The following MYLK3 variants were observed in gnomAD, a reference collection of about 807,000 sequenced individuals.
The protein encoded by MYLK3 is myosin light chain kinase 3.
In MYLK3, 55 loss-of-function variants were observed where a neutral mutation model predicts 76.3. The ratio of observed to expected loss-of-function variants is 0.72; its 90% CI spans 0.58 to 0.90. The LOEUF is 0.90. MYLK3 is among the 40% of genes least tolerant of loss of function. The pLI, the probability that MYLK3 is intolerant of heterozygous loss-of-function variation, is 0.00. For missense variants in MYLK3, 973 were observed against 1,053.6 expected, an observed-to-expected ratio of 0.92 and a Z score of 1.06; for synonymous variants, 416 against 425.4, an observed-to-expected ratio of 0.98 and a Z score of 0.27.
At chr16:46,751,727 G>A (rs1301473086), upstream of MYLK3, among the ~76,000 whole-genome samples, 1 of 152,246 alleles carries the variant, frequency 6.6e-6, no homozygotes, top group Admixed American at 6.5e-5. Context: ...GAGCTCCAGG[G>A]AGCTCCGGGG....
Position 46,707,461 on chromosome 16 carries a change from T to C in MYLK3, c.*243A>G. 2.3e-6 allele frequency: 1 copy of C among 435,216 alleles called. No homozygotes were observed. Among genetic ancestry groups the C allele is most frequent in the Non-Finnish European group, 4.1e-6 (1 of 245,780 alleles). 27.0% of individuals were successfully genotyped at this position (435,216 alleles called of 1,614,324 possible). A position where few individuals can be genotyped will look rare whatever the true frequency, so the allele number is the denominator to read the frequency against. On this transcript the variant is annotated 3_prime_UTR_variant, in exon 13 of 13. Coordinates refer to ENST00000394809, the MANE Select transcript of MYLK3 (RefSeq NM_182493.3). The stretch of plus-strand genomic sequence containing the variant: ...CTACACTTACCACCAAAAGTAGGTA[T>C]ATTTGAAAGGTACTCAGAGCATTTC...
At chr16:46,733,409 T>C (rs2143015229) in intron 3 of MYLK3, among the ~76,000 whole-genome samples, 1 of 152,320 alleles carries the variant, frequency 6.6e-6, no homozygotes, top group African/African-American at 2.4e-5. Flanking sequence ...CTAGACTTTC[T>C]GTTCATCTTG....
chr16:46,750,047 C>A (rs1441196509), upstream of MYLK3, among the ~76,000 whole-genome samples: 3 of 152,192 alleles, frequency 2.0e-5, no homozygotes, highest in African/African-American at 4.8e-5. Context: ...GAGGGGTAAC[C>A]CTGTGTTCCA....
At chr16:46,732,947 G>A (rs147851380) in intron 3 of MYLK3, among the ~76,000 whole-genome samples, 32 of 152,294 alleles carry the variant, frequency 2.1e-4, no homozygotes, top group East Asian at 9.7e-4. Flanking sequence ...GCCTGTAGGC[G>A]GGAGGCCCGG....
At chr16:46,751,959 A>G (rs1967131359), upstream of MYLK3, among the ~76,000 whole-genome samples, 2 of 152,196 alleles carry the variant, frequency 1.3e-5, no homozygotes, top group African/African-American at 4.8e-5. Flanking sequence ...GTGCTTGCCC[A>G]GAGGATGGGG....
At chr16:46,710,870 G>A in intron 10 of MYLK3, 81 bp from the exon 11 acceptor site, 1 of 1,558,838 alleles carries the variant, frequency 6.4e-7, no homozygotes, top group Non-Finnish European at 8.8e-7. Context: ...AGCTTACAGA[G>A]TTCAAGTGGA....
At chr16:46,755,449 ACT>A (rs758015586) in intron 1 of MYLK3, among the ~76,000 whole-genome samples, 7 of 148,306 alleles carry the variant, frequency 4.7e-5, no homozygotes, top group Non-Finnish European at 1.0e-4. Context: ...CAAGAGTGAA[ACT>A]CTGTCTCAAA....
chr16:46,720,706 TACTC>T (rs2143013638), intron 9 of MYLK3, among the ~76,000 whole-genome samples: 1 of 152,246 alleles, frequency 6.6e-6, no homozygotes, highest in South Asian at 2.1e-4. Context: ...CACTGTCACA[TACTC>T]ACTTTTTGTA....
intron 1 of MYLK3, among the ~76,000 whole-genome samples, chr16:46,761,115 C>T (rs921289189): frequency 6.6e-6 from 1 of 152,094 alleles, no homozygotes; most frequent in African/African-American, 2.4e-5. Context: ...TTGAGCTGAG[C>T]CTTGAATGAT....
chr16:46,716,497 ATGTGTGTG>A (rs869246629), intron 9 of MYLK3, among the ~76,000 whole-genome samples: 4 of 21,600 alleles, frequency 1.9e-4, no homozygotes, highest in African/African-American at 2.8e-4. Flanking sequence ...GTGTATATAT[ATGTGTGTG>A]TGTGTGTGTG....
Position 46,703,016 on chromosome 16 carries a change from C to A in MYLK3, c.*4688G>T, listed in dbSNP as rs1433972035. Among the ~76,000 whole-genome samples, 1 of 151,924 alleles carries A rather than the reference C, an allele frequency of 6.6e-6. No homozygotes were observed. Among genetic ancestry groups the A allele is most frequent in the African/African-American group, 2.4e-5 (1 of 41,362 alleles). ...AAAGATAAATGAAAAGTGGAATTCCCCCTCTCCCAATCACCCACTTTTCAC... is the reference window on the plus strand; with the variant it reads ...AAAGATAAATGAAAAGTGGAATTCCACCTCTCCCAATCACCCACTTTTCAC... On this transcript the variant is annotated 3_prime_UTR_variant, in exon 13 of 13. Transcript: ENST00000394809.
intron 1 of MYLK3, among the ~76,000 whole-genome samples, chr16:46,759,830 A>C (rs1967252896): frequency 6.6e-6 from 1 of 151,994 alleles, no homozygotes. Context: ...ATGGGGTTTC[A>C]TCATGTTGGC....
At chr16:46,712,811 G>T (rs772227065) in intron 9 of MYLK3, 35 bp from the exon 10 acceptor site, 1 of 1,538,774 alleles carries the variant, frequency 6.5e-7, no homozygotes, top group South Asian at 1.3e-5. Context: ...GAAGCATGGG[G>T]TGAGGCCTGG....
At chr16:46,762,479 C>T (rs1358997896) in intron 1 of MYLK3, among the ~76,000 whole-genome samples, 2 of 152,170 alleles carry the variant, frequency 1.3e-5, no homozygotes, top group Non-Finnish European at 2.9e-5. Flanking sequence ...TAGACTCCCG[C>T]AGGACCCCAG....
chr16:46,758,609 C>T (rs1379488266), intron 1 of MYLK3, among the ~76,000 whole-genome samples: 1 of 152,210 alleles, frequency 6.6e-6, no homozygotes, highest in Admixed American at 6.5e-5. Flanking sequence ...ATCACTCACA[C>T]CCTCTGCCAC....
chr16:46,756,587 G>A (rs1041950199), intron 1 of MYLK3, among the ~76,000 whole-genome samples: 5 of 152,224 alleles, frequency 3.3e-5, no homozygotes, highest in Admixed American at 2.0e-4. Flanking sequence ...TAACAGTCGT[G>A]TTGCAGCGTG....
upstream of MYLK3, among the ~76,000 whole-genome samples, chr16:46,752,668 G>A (rs762869185): frequency 6.6e-6 from 1 of 152,128 alleles, no homozygotes; most frequent in Non-Finnish European, 1.5e-5. Flanking sequence ...GAGCCCAGGA[G>A]TTCAAGACCA....
chr16:46,732,671 G>A lies in MYLK3; in HGVS notation c.1002-3C>T, dbSNP rs1412249593. ...TCTCTTGTATGTGGATGGAGATCCT[G>A]GGGTGGAGAGAAACATGGTGCTGAG... On this transcript the variant is annotated splice_polypyrimidine_tract_variant and splice_region_variant and intron_variant, in intron 3 of 12. Coordinates refer to ENST00000394809, the MANE Select transcript of MYLK3 (RefSeq NM_182493.3). The A allele has an allele frequency of 6.7e-7, 1 of 1,497,154 alleles. No homozygotes were observed. Among genetic ancestry groups the A allele is most frequent in the South Asian group, 1.3e-5 (1 of 74,614 alleles). The allele number at this position is 1,497,154 out of a possible 1,614,324, so 92.7% of individuals were successfully genotyped here.
chr16:46,721,461 A>C (rs539167412), intron 8 of MYLK3, among the ~76,000 whole-genome samples: 1 of 152,332 alleles, frequency 6.6e-6, no homozygotes, highest in South Asian at 2.1e-4. Context: ...GTAGGAGTGC[A>C]GACACAATGC....
Sources: allele counts gnomAD v4.1 joint callset (sites outside exome capture counted in the v4.1 genomes callset), GRCh38; gene constraint gnomAD v4.1.1; transcripts MANE v1.5; gene names NCBI Gene and HGNC (gene_info 2026-07-23, HGNC 2026-07-21).